PDS5A: variants seen among roughly 807,000 people sequenced by gnomAD.
The protein encoded by PDS5A is PDS5 cohesin associated factor A.
In PDS5A, 42 loss-of-function variants were observed where a neutral mutation model predicts 167.1. That is an observed-to-expected ratio of 0.25 (90% CI 0.20 to 0.33). The LOEUF (loss-of-function observed/expected upper bound fraction) is 0.33, where lower values mean the gene tolerates loss of function less well. PDS5A is among the 10% of genes least tolerant of loss of function. The probability of loss-of-function intolerance (pLI) is 1.00; values close to 1 mark genes in which losing one functional copy is unlikely to be tolerated. For missense variants in PDS5A, 1,033 were observed against 1,605.9 expected, an observed-to-expected ratio of 0.64 and a Z score of 6.10; for synonymous variants, 553 against 554.6, an observed-to-expected ratio of 1.00 and a Z score of 0.04.
intron 20 of PDS5A, 66 bp downstream of exon 20, chr4:39,874,223 C>T: frequency 7.2e-7 from 1 of 1,380,978 alleles, no homozygotes; most frequent in Non-Finnish European, 1.0e-6. Flanking sequence ...TAGCTTCCAT[C>T]TTCATCAAAC....
At chr4:39,976,341 A>C in intron 2 of PDS5A, 99 bp downstream of exon 2, 1 of 988,910 alleles carries the variant, frequency 1.0e-6, no homozygotes, top group South Asian at 1.7e-5. Flanking sequence ...TAAGAGATCT[A>C]AAAAACTTGG....
intron 16 of PDS5A, among the ~76,000 whole-genome samples, chr4:39,896,434 TCTTTC>T (rs917474159): frequency 1.3e-5 from 2 of 151,626 alleles, no homozygotes; most frequent in Non-Finnish European, 2.9e-5. Context: ...CAAAATGGTT[TCTTTC>T]CTTATATCCT....
rs531909267 is a variant in PDS5A at position 39,973,960 on chromosome 4, T to TA, written c.138+2479dup. The TA allele has an allele frequency of 1.6e-3, 802 of 513,696 alleles. 6 individuals are homozygous for TA. Among genetic ancestry groups the TA allele is most frequent in the East Asian group, 8.0e-3 (207 of 25,898 alleles). 31.8% of individuals were successfully genotyped at this position (513,696 alleles called of 1,614,324 possible). A position where few individuals can be genotyped will look rare whatever the true frequency, so the allele number is the denominator to read the frequency against. On this transcript the variant is annotated intron_variant, in intron 2 of 32. Coordinates refer to ENST00000303538, the MANE Select transcript of PDS5A (RefSeq NM_001100399.2). ...CTAACACGGTGAAACCCGTCTCTAC[T>TA]AAAAAAATACAAAAAATTAGCCGGG...
chr4:39,867,124 G>GGATA (rs1719527337), intron 22 of PDS5A, 127 bp from the exon 23 acceptor site: 1 of 695,332 alleles, frequency 1.4e-6, no homozygotes, highest in Non-Finnish European at 2.3e-6. Flanking sequence ...TAAGTCTATG[G>GGATA]GATAATAACA....
chr4:39,957,711 G>A lies in PDS5A; in HGVS notation c.138+18729C>T, dbSNP rs375731837. Among the ~76,000 whole-genome samples the A allele has an allele frequency of 5.4e-4, 81 of 149,780 alleles. 2 individuals are homozygous for A. In the South Asian group the frequency reaches 0.017, roughly 32 times the overall value. On this transcript the variant is annotated intron_variant, in intron 2 of 32. Coordinates refer to ENST00000303538, the MANE Select transcript of PDS5A (RefSeq NM_001100399.2). ...TGAGGCAGGAGAATGGCATGAACCC[G>A]GCTAGGCAGAGCTTGCAGTGAGCTG...
chr4:39,914,483 A>AG (rs35055440), intron 8 of PDS5A, among the ~76,000 whole-genome samples: 31,438 of 151,888 alleles, frequency 0.21, 3,813 homozygotes, highest in African/African-American at 0.33. Context: ...TTAATGAAGG[A>AG]TCCCCTACGA....
Position 39,870,899 on chromosome 4 carries a change from T to C in PDS5A, c.2437-1437A>G, listed in dbSNP as rs530984451. Among the ~76,000 whole-genome samples, 10 of 152,194 alleles carry C rather than the reference T, an allele frequency of 6.6e-5. No homozygotes were observed. In the South Asian group the frequency reaches 1.7e-3, roughly 25 times the overall value. On this transcript the variant is annotated intron_variant, in intron 21 of 32. Transcript: ENST00000303538. ...AGCATTATTCACAACAGCCAACACG[T>C]AGAAGCAACCCAAGTGTCCACCAAT...
chr4:39,827,766 A>G (rs1413158132), intron 32 of PDS5A, among the ~76,000 whole-genome samples: 1 of 152,170 alleles, frequency 6.6e-6, no homozygotes, highest in East Asian at 1.9e-4. Context: ...AGAAACCCAC[A>G]GTCTGTTATC....
chr4:39,920,453 A>G (rs1724852573), intron 6 of PDS5A, 54 bp from the exon 7 acceptor site: 1 of 834,856 alleles, frequency 1.2e-6, no homozygotes, highest in African/African-American at 1.7e-5. Context: ...TTTATGAGAT[A>G]GTAACATTAG....
At chr4:39,891,636 A>G (rs1338040193) in intron 16 of PDS5A, among the ~76,000 whole-genome samples, 1 of 151,764 alleles carries the variant, frequency 6.6e-6, no homozygotes, top group Non-Finnish European at 1.5e-5. Context: ...GAACAAGAGC[A>G]ACTCCATCTC....
rs145264975 is a variant in PDS5A at position 39,896,192 on chromosome 4, G to A, written c.1770+2197C>T. Reference sequence around the variant, plus strand: ...GGAGTAGTCAGGACTACAGGTGTGCGCCACCATGTGCAGCTAGTTTTCTTT... The same window carrying A: ...GGAGTAGTCAGGACTACAGGTGTGCACCACCATGTGCAGCTAGTTTTCTTT... On this transcript the variant is annotated intron_variant, in intron 16 of 32. Coordinates refer to ENST00000303538, the MANE Select transcript of PDS5A (RefSeq NM_001100399.2). Among the ~76,000 whole-genome samples the A allele has an allele frequency of 3.2e-3, 487 of 151,822 alleles. 6 individuals are homozygous for A. Among genetic ancestry groups the A allele is most frequent in the Admixed American group, 0.023 (343 of 15,236 alleles).
At chr4:39,970,673 G>C (rs1159964087) in intron 2 of PDS5A, among the ~76,000 whole-genome samples, 1 of 151,474 alleles carries the variant, frequency 6.6e-6, no homozygotes, top group Non-Finnish European at 1.5e-5. Flanking sequence ...TTTGGTAAAG[G>C]TTACTTGAAT....
rs1171892030 is a variant in PDS5A, at chr4:39,977,031, T to A, written c.-40-414A>T. Among the ~76,000 whole-genome samples, 7 of 151,930 alleles carry A rather than the reference T, an allele frequency of 4.6e-5. No homozygotes were observed. Among genetic ancestry groups the A allele is most frequent in the African/African-American group, 1.7e-4 (7 of 41,372 alleles). The stretch of plus-strand genomic sequence containing the variant: ...AAACCAGACCCGAGGCCTATAGGGC[T>A]CGGCTTAGGCCGCAAAACTAGGGAC... On this transcript the variant is annotated intron_variant, in intron 1 of 32. Coordinates refer to ENST00000303538, the MANE Select transcript of PDS5A (RefSeq NM_001100399.2). This position sits in a 1 kb window ranked among gnomAD's most constrained non-coding sequence, Gnocchi z 4.2.
chr4:39,956,401 G>A (rs1009304325), intron 2 of PDS5A, among the ~76,000 whole-genome samples: 7 of 151,336 alleles, frequency 4.6e-5, no homozygotes, highest in South Asian at 4.2e-4. Context: ...GCTGAGGTGG[G>A]AGGATCGCTT....
At chr4:39,973,648 A>T in intron 2 of PDS5A, 1 of 1,313,440 alleles carries the variant, frequency 7.6e-7, no homozygotes, top group Admixed American at 1.7e-5. Context: ...GAACGGTAGA[A>T]CTGTGGCCAC....
intron 19 of PDS5A, among the ~76,000 whole-genome samples, chr4:39,874,746 C>T (rs1039686868): frequency 9.2e-5 from 14 of 152,148 alleles, no homozygotes; most frequent in Admixed American, 6.5e-4. Context: ...AGCAATATTG[C>T]TAATTTTTCA....
intron 17 of PDS5A, among the ~76,000 whole-genome samples, chr4:39,881,524 C>A (rs1459394986): frequency 6.6e-6 from 1 of 151,974 alleles, no homozygotes; most frequent in East Asian, 1.9e-4. Flanking sequence ...AAACAAATTG[C>A]TGTATATGTG....
chr4:39,872,874 T>A, intron 21 of PDS5A, 112 bp downstream of exon 21: 1 of 529,318 alleles, frequency 1.9e-6, no homozygotes, highest in South Asian at 6.6e-5. Flanking sequence ...AGAACCAATA[T>A]AGAATAATTT....
At chr4:39,853,619 A>G (rs1309148538) in intron 26 of PDS5A, among the ~76,000 whole-genome samples, 3 of 152,060 alleles carry the variant, frequency 2.0e-5, no homozygotes, top group Non-Finnish European at 4.4e-5. Flanking sequence ...CCTTCCCTTT[A>G]TCTATCTTTA....
Sources: gnomAD v4.1 joint callset for allele counts (sites outside exome capture counted in the v4.1 genomes callset) on GRCh38, gnomAD v4.1.1 for gene constraint, Gnocchi (gnomAD v3.1) non-coding constraint, MANE v1.5 for transcripts, NCBI Gene and HGNC (gene_info 2026-07-23, HGNC 2026-07-21) for gene names.